KBTBD2: variants seen among roughly 807,000 people sequenced by gnomAD.
KBTBD2 encodes the protein kelch repeat and BTB domain containing 2, also known as kelch repeat and BTB domain-containing protein 2.
KBTBD2 carries 17 observed loss-of-function variants against 57.1 expected under a neutral mutation model. That is an observed-to-expected ratio of 0.30 (90% CI 0.20 to 0.45). The LOEUF (loss-of-function observed/expected upper bound fraction) is 0.45. KBTBD2 is among the 20% of genes least tolerant of loss of function. KBTBD2 has a pLI of 1.00. For synonymous variants in KBTBD2, 267 were observed against 262.7 expected, an observed-to-expected ratio of 1.02 and a Z score of -0.16; for missense variants, 515 against 750.6, an observed-to-expected ratio of 0.69 and a Z score of 3.67.
chr7:32,880,940 A>G (rs889475940), intron 1 of KBTBD2, among the ~76,000 whole-genome samples: 1 of 152,012 alleles, frequency 6.6e-6, no homozygotes, highest in Non-Finnish European at 1.5e-5. Flanking sequence ...GTCTCTATTA[A>G]AAATACAAAA....
At chr7:32,878,602 A>G (rs1784375136) in intron 2 of KBTBD2, among the ~76,000 whole-genome samples, 1 of 151,938 alleles carries the variant, frequency 6.6e-6, no homozygotes, top group Non-Finnish European at 1.5e-5. Flanking sequence ...AAACAAAAAC[A>G]AAACAAAACA....
At chr7:32,889,320 C>T (rs375310668) in intron 1 of KBTBD2, among the ~76,000 whole-genome samples, 2 of 150,354 alleles carry the variant, frequency 1.3e-5, no homozygotes, top group East Asian at 2.0e-4. Context: ...TACTTGAGAT[C>T]GGCCGTCTGC....
At chr7:32,883,547 TATTA>T (rs57032554) in intron 1 of KBTBD2, among the ~76,000 whole-genome samples, 42,674 of 151,918 alleles carry the variant, frequency 0.28, 7,420 homozygotes, top group Non-Finnish European at 0.38. Context: ...GTATGTACTA[TATTA>T]ATTACCAACT....
intron 2 of KBTBD2, 91 bp downstream of exon 2, chr7:32,879,344 C>T: frequency 1.0e-6 from 1 of 956,242 alleles, no homozygotes; most frequent in Non-Finnish European, 1.5e-6. Flanking sequence ...AAACCTTAAG[C>T]AAAACTTAAA....
intron 1 of KBTBD2, among the ~76,000 whole-genome samples, chr7:32,883,653 C>G (rs772957020): frequency 6.6e-6 from 1 of 152,314 alleles, no homozygotes; most frequent in Non-Finnish European, 1.5e-5. Flanking sequence ...GTCACAGACC[C>G]TGTTATCTGT....
intron 1 of KBTBD2, among the ~76,000 whole-genome samples, chr7:32,888,772 C>T (rs1448123324): frequency 6.6e-6 from 1 of 151,960 alleles, no homozygotes; most frequent in Non-Finnish European, 1.5e-5. Flanking sequence ...TTCTCTCTTT[C>T]CAACCATACT....
chr7:32,889,259 C>G (rs542798477), intron 1 of KBTBD2, among the ~76,000 whole-genome samples: 4 of 151,848 alleles, frequency 2.6e-5, no homozygotes, highest in South Asian at 4.2e-4. Flanking sequence ...CCACCGCACT[C>G]CAGCCTGGGC....
chr7:32,870,981 A>G (rs1447043012), intron 3 of KBTBD2, 101 bp from the exon 4 acceptor site: 3 of 668,186 alleles, frequency 4.5e-6, no homozygotes, highest in African/African-American at 1.8e-5. Context: ...CCCATAGTGT[A>G]ATTTTTATTT....
rs11363525 is a variant in KBTBD2, at chr7:32,884,390, T to TA, written c.-338-4449dup. On this transcript the variant is annotated intron_variant, in intron 1 of 3. Transcript: ENST00000304056. Reference sequence around the variant, plus strand: ...GATTCTGCCTCTAAAATTTTTAATTTAAAAAAAAAAAAAAAAAGGCTGGGC... The same window carrying TA: ...GATTCTGCCTCTAAAATTTTTAATTTAAAAAAAAAAAAAAAAAAGGCTGGGC... Among the ~76,000 whole-genome samples the TA allele has an allele frequency of 2.4e-3, 308 of 125,798 alleles. 1 individual carries two copies. The highest frequency in any genetic ancestry group is 8.5e-3 in the Middle Eastern group (2 of 234). The allele number at this position is 125,798 out of a possible 152,430, so 82.5% of individuals were successfully genotyped here. A position where few individuals can be genotyped will look rare whatever the true frequency, so the allele number is the denominator to read the frequency against.
At chr7:32,873,130 T>C (rs1439310184) in intron 3 of KBTBD2, among the ~76,000 whole-genome samples, 2 of 152,172 alleles carry the variant, frequency 1.3e-5, no homozygotes, top group East Asian at 1.9e-4. Context: ...TACAGTGTTA[T>C]TCCAAAACAG....
chr7:32,886,056 GCAC>G (rs1784574042), intron 1 of KBTBD2, among the ~76,000 whole-genome samples: 1 of 151,850 alleles, frequency 6.6e-6, no homozygotes, highest in African/African-American at 2.4e-5. Flanking sequence ...TTACAGGCAC[GCAC>G]CACCATGTCC....
chr7:32,890,835 C>G (rs1246816701), intron 1 of KBTBD2: 1 of 152,022 alleles, frequency 6.6e-6, no homozygotes, highest in Admixed American at 6.6e-5. Flanking sequence ...TAGCTAAGCC[C>G]AAGGGAAAAA....
chr7:32,875,496 C>T (rs972829795), intron 2 of KBTBD2, among the ~76,000 whole-genome samples: 29 of 152,246 alleles, frequency 1.9e-4, no homozygotes, highest in African/African-American at 6.5e-4. Flanking sequence ...GTCTCCAACT[C>T]CTGAGCTCAA....
rs1309912511 is a variant in KBTBD2 at position 32,891,622 on chromosome 7, T to C, written c.-425A>G. The C allele has an allele frequency of 6.8e-6, 1 of 146,446 alleles. No individual in the cohort carries two copies. Among genetic ancestry groups the C allele is most frequent in the Non-Finnish European group, 1.5e-5 (1 of 66,356 alleles). 9.1% of individuals were successfully genotyped at this position (146,446 alleles called of 1,614,324 possible). On this transcript the variant is annotated 5_prime_UTR_variant, in exon 1 of 4. Transcript: ENST00000304056. ...CCCCTCCGGCGCGGCGGCGGGGGCGTGGCCCTCCCGCCGCGGCCTCGCCTG... is the reference window on the plus strand; with the variant it reads ...CCCCTCCGGCGCGGCGGCGGGGGCGCGGCCCTCCCGCCGCGGCCTCGCCTG...
intron 3 of KBTBD2, chr7:32,874,682 T>C (rs978763591): frequency 4.6e-5 from 9 of 194,014 alleles, no homozygotes; most frequent in Middle Eastern, 2.0e-3. Context: ...AACTCATGTA[T>C]GTAACTGAGT....
At chr7:32,890,985 C>T (rs7811609) in intron 1 of KBTBD2, 42,897 of 152,158 alleles carry the variant, frequency 0.28, 7,525 homozygotes, top group Non-Finnish European at 0.39. Flanking sequence ...ACACAATTTT[C>T]CGTTTCAAAG....
rs557464257 is a variant in KBTBD2 at position 32,886,229 on chromosome 7, C to T, written c.-339+5307G>A. Among the ~76,000 whole-genome samples, 10 of 152,112 alleles carry T rather than the reference C, an allele frequency of 6.6e-5. No homozygotes were observed. In the East Asian group the frequency reaches 1.7e-3, roughly 26 times the overall value. On this transcript the variant is annotated intron_variant, in intron 1 of 3. Transcript: ENST00000304056. ...CCGGCCTCTACCCACTGACTTTCTA[C>T]GAATTATTACAGGACAAAGTCCTAT... is the stretch of plus-strand genomic sequence containing the variant.
At chr7:32,878,919 G>A (rs1386848448) in intron 2 of KBTBD2, among the ~76,000 whole-genome samples, 2 of 152,150 alleles carry the variant, frequency 1.3e-5, no homozygotes, top group Non-Finnish European at 2.9e-5. Flanking sequence ...AACGTTACTA[G>A]TTATTAAATA....
chr7:32,880,317 T>A (rs974162527), intron 1 of KBTBD2, among the ~76,000 whole-genome samples: 36 of 149,608 alleles, frequency 2.4e-4, no homozygotes, highest in African/African-American at 7.7e-4. Flanking sequence ...AGAAAAAATA[T>A]TTTTTTAAAA....
Sources: allele counts gnomAD v4.1 joint callset (sites outside exome capture counted in the v4.1 genomes callset), GRCh38; gene constraint gnomAD v4.1.1; transcripts MANE v1.5; gene names NCBI Gene and HGNC (gene_info 2026-07-23, HGNC 2026-07-21).